Variants in PHF21A observed in about 807,000 individuals in gnomAD.
PHF21A encodes the protein BHC80a.
A neutral mutation model predicts 82.5 loss-of-function variants in PHF21A; 11 were observed. The ratio of observed to expected loss-of-function variants is 0.13; its 90% CI spans 0.08 to 0.22. PHF21A has a LOEUF of 0.22. Among genes scored for constraint, PHF21A ranks in the 10% least tolerant of loss-of-function variants. The pLI, the probability that PHF21A is intolerant of heterozygous loss-of-function variation, is 1.00. For synonymous variants in PHF21A, 297 were observed against 302.8 expected (o/e 0.98, Z 0.20); for missense variants, 579 against 837.8 (o/e 0.69, Z 3.81).
chr11:46,089,729 C>T (rs886309752), intron 3 of PHF21A, among the ~76,000 whole-genome samples: 25 of 145,328 alleles, frequency 1.7e-4, no homozygotes, highest in African/African-American at 6.2e-4. Flanking sequence ...GCATACATAT[C>T]ATTACATTTA....
intron 6 of PHF21A, among the ~76,000 whole-genome samples, chr11:46,028,091 A>ATT (rs71451628): frequency 6.8e-6 from 1 of 146,764 alleles, no homozygotes; most frequent in Non-Finnish European, 1.5e-5. Flanking sequence ...TCTGGGGACA[A>ATT]TTTTTTTTTT....
chr11:46,031,673 G>A lies in PHF21A; in HGVS notation c.153+45081C>T, dbSNP rs1343054359. 2.0e-5 allele frequency among the ~76,000 whole-genome samples: 3 copies of A among 152,160 alleles called. 1 individual carries two copies. The South Asian group carries it at 6.2e-4, about 32-fold the overall frequency. ...TTCTCTTTAGATTAATAGGCGCTCC[G>A]AGGCAGGTCAAATCAAAAAGGTTTG... On this transcript the variant is annotated intron_variant, in intron 6 of 18. Coordinates refer to ENST00000676320, the MANE Select transcript of PHF21A (RefSeq NM_001352027.3).
At chr11:46,090,010 G>A (rs2096905565) in intron 3 of PHF21A, among the ~76,000 whole-genome samples, 2 of 151,730 alleles carry the variant, frequency 1.3e-5, no homozygotes, top group East Asian at 3.9e-4. Context: ...CTGCTTCCTG[G>A]GGTCCAGGCT....
intron 1 of PHF21A, among the ~76,000 whole-genome samples, chr11:46,098,126 G>A (rs1487859079): frequency 6.6e-6 from 1 of 152,202 alleles, no homozygotes; most frequent in Admixed American, 6.5e-5. Context: ...TCAGAGGGCA[G>A]ATCCATACCT....
chr11:46,022,761 T>A (rs1295797744), intron 6 of PHF21A, among the ~76,000 whole-genome samples: 1 of 152,158 alleles, frequency 6.6e-6, no homozygotes, highest in Non-Finnish European at 1.5e-5. Context: ...TGATCCACTG[T>A]GCCCGGCTCA....
At chr11:45,955,122 C>T (rs903953545) in intron 10 of PHF21A, among the ~76,000 whole-genome samples, 12 of 152,138 alleles carry the variant, frequency 7.9e-5, no homozygotes, top group Non-Finnish European at 5.9e-5. Flanking sequence ...TTATACTAAA[C>T]GCTATGTAAG....
chr11:46,089,090 T>C (rs1183351301), intron 3 of PHF21A, among the ~76,000 whole-genome samples: 1 of 152,210 alleles, frequency 6.6e-6, no homozygotes, highest in African/African-American at 2.4e-5. Flanking sequence ...ATGTTCTCTA[T>C]ACCATGCATT....
intron 1 of PHF21A, among the ~76,000 whole-genome samples, chr11:46,099,897 C>T (rs531937697): frequency 2.0e-5 from 3 of 152,220 alleles, no homozygotes; most frequent in African/African-American, 7.2e-5. Flanking sequence ...TGACTTTAGG[C>T]CTAAAAACTA....
At chr11:46,056,501 GGGC>G (rs2096459361) in intron 6 of PHF21A, among the ~76,000 whole-genome samples, 1 of 152,026 alleles carries the variant, frequency 6.6e-6, no homozygotes, top group African/African-American at 2.4e-5. Flanking sequence ...ACAAGAAATT[GGGC>G]TTTTAAAAAA....
chr11:46,038,549 G>A (rs2096063809), intron 6 of PHF21A, among the ~76,000 whole-genome samples: 1 of 152,102 alleles, frequency 6.6e-6, no homozygotes, highest in Non-Finnish European at 1.5e-5. Flanking sequence ...TGTTGTTTAT[G>A]ATATAATACC....
At chr11:46,003,261 G>A (rs2095200281) in intron 6 of PHF21A, among the ~76,000 whole-genome samples, 1 of 148,856 alleles carries the variant, frequency 6.7e-6, no homozygotes, top group Admixed American at 6.7e-5. Context: ...GGAGGAAAGA[G>A]CTTGGGTTAA....
At chr11:45,990,196 C>T (rs1413520046) in intron 6 of PHF21A, among the ~76,000 whole-genome samples, 1 of 150,726 alleles carries the variant, frequency 6.6e-6, no homozygotes, top group Non-Finnish European at 1.5e-5. Context: ...CCCTCTCACA[C>T]TTTAGAAAGG....
At chr11:45,987,660 CAAAAAAAAAA>C (rs71038877) in intron 6 of PHF21A, among the ~76,000 whole-genome samples, 5 of 34,896 alleles carry the variant, frequency 1.4e-4, no homozygotes, top group African/African-American at 4.8e-4. Flanking sequence ...GACCCCGTCT[CAAAAAAAAAA>C]AAAAAAAAAA....
intron 3 of PHF21A, among the ~76,000 whole-genome samples, chr11:46,088,785 A>C (rs567586189): frequency 6.6e-6 from 1 of 152,308 alleles, no homozygotes; most frequent in Admixed American, 6.5e-5. Flanking sequence ...TACATAGTAT[A>C]TATCTAGAAG....
chr11:46,025,732 C>T (rs1003431109), intron 6 of PHF21A, among the ~76,000 whole-genome samples: 2 of 152,158 alleles, frequency 1.3e-5, no homozygotes, highest in African/African-American at 2.4e-5. Flanking sequence ...TTATTCTCCT[C>T]TCTTGCTCTC....
At chr11:46,060,427 A>C (rs1201715111) in intron 6 of PHF21A, among the ~76,000 whole-genome samples, 2 of 152,212 alleles carry the variant, frequency 1.3e-5, no homozygotes, top group Admixed American at 6.5e-5. Flanking sequence ...ACAAGTTGTA[A>C]TCTTAGCACA....
intron 6 of PHF21A, among the ~76,000 whole-genome samples, chr11:46,062,941 G>A (rs934658013): frequency 1.6e-4 from 24 of 152,152 alleles, no homozygotes; most frequent in African/African-American, 5.8e-4. Context: ...CCTGGGGACT[G>A]GATTGACAGA....
intron 6 of PHF21A, among the ~76,000 whole-genome samples, chr11:46,023,474 C>G (rs1253613668): frequency 6.6e-6 from 1 of 152,206 alleles, no homozygotes; most frequent in Non-Finnish European, 1.5e-5. Context: ...GAAGACTGCT[C>G]TCTTTCTAGA....
At chr11:45,976,307 A>G (rs2136204122) in intron 7 of PHF21A, among the ~76,000 whole-genome samples, 2 of 152,328 alleles carry the variant, frequency 1.3e-5, no homozygotes, top group South Asian at 4.1e-4. Flanking sequence ...CCCTCTAGTC[A>G]AAATTACTCT....
Sources: allele counts gnomAD v4.1 joint callset (sites outside exome capture counted in the v4.1 genomes callset), GRCh38; gene constraint gnomAD v4.1.1; transcripts MANE v1.5; gene names NCBI Gene and HGNC (gene_info 2026-07-23, HGNC 2026-07-21).